ROBO1: variants seen among roughly 807,000 people sequenced by gnomAD.
The protein encoded by ROBO1 is roundabout homolog 1.
Under a neutral mutation model 195.9 loss-of-function variants are expected in ROBO1, and 149 were observed. That is an observed-to-expected ratio of 0.76 (90% confidence interval 0.67 to 0.87). The LOEUF is 0.87. Ranked by LOEUF, ROBO1 falls within the 40% of genes least tolerant of loss-of-function variation. The pLI, the probability that ROBO1 is intolerant of heterozygous loss-of-function variation, is 0.00. For synonymous variants in ROBO1, 816 were observed against 733.2 expected (o/e 1.11, Z -1.82); for missense variants, 1,933 against 2,068.3 (o/e 0.93, Z 1.27).
intron 2 of ROBO1, among the ~76,000 whole-genome samples, chr3:79,404,637 A>G (rs2037480054): frequency 6.6e-6 from 1 of 152,164 alleles, no homozygotes; most frequent in Non-Finnish European, 1.5e-5. Context: ...TTCTGCCATC[A>G]GTTAAACCTG....
chr3:79,684,730 C>T (rs1486511830), intron 1 of ROBO1, among the ~76,000 whole-genome samples: 1 of 152,040 alleles, frequency 6.6e-6, no homozygotes, highest in African/African-American at 2.4e-5. Context: ...GACTGGAGTG[C>T]AGTGACGTGA....
intron 3 of ROBO1, among the ~76,000 whole-genome samples, chr3:79,105,947 G>A (rs1344810185): frequency 6.6e-6 from 1 of 151,636 alleles, no homozygotes; most frequent in Non-Finnish European, 1.5e-5. Flanking sequence ...TCTTGGCTTG[G>A]ATTCTAATTT....
intron 4 of ROBO1, among the ~76,000 whole-genome samples, chr3:78,777,936 G>A (rs333478): frequency 0.054 from 8,258 of 152,184 alleles, 299 homozygotes; most frequent in Middle Eastern, 0.11. Context: ...AATGCTTCCA[G>A]CTTTTGTCCA....
Position 79,287,443 on chromosome 3 carries a change from T to C in ROBO1, c.89-161904A>G, listed in dbSNP as rs572641492. 2.1e-3 allele frequency among the ~76,000 whole-genome samples: 319 copies of C among 152,298 alleles called. 2 individuals carry two copies. The highest frequency in any genetic ancestry group is 7.2e-3 in the African/African-American group (299 of 41,578). On this transcript the variant is annotated intron_variant, in intron 2 of 30. Coordinates refer to ENST00000464233, the MANE Select transcript of ROBO1 (RefSeq NM_002941.4). ...CTTTACTTTCTATCACTGTATATTCTCATGTTGATGGAGATATTTAAAAAT... is the reference window on the plus strand; with the variant it reads ...CTTTACTTTCTATCACTGTATATTCCCATGTTGATGGAGATATTTAAAAAT...
chr3:79,185,674 T>C (rs1366839074), intron 2 of ROBO1, among the ~76,000 whole-genome samples: 2 of 152,148 alleles, frequency 1.3e-5, no homozygotes, highest in African/African-American at 4.8e-5. Context: ...TGTAACTTGA[T>C]TGTAAAACTT....
chr3:79,093,137 T>C (rs184965272), intron 3 of ROBO1, among the ~76,000 whole-genome samples: 1 of 152,130 alleles, frequency 6.6e-6, no homozygotes, highest in African/African-American at 2.4e-5. Context: ...TTTGCCTTTT[T>C]GGTCAACATG....
chr3:78,986,347 T>C (rs2077105690), intron 3 of ROBO1, among the ~76,000 whole-genome samples: 2 of 152,140 alleles, frequency 1.3e-5, no homozygotes, highest in Non-Finnish European at 2.9e-5. Context: ...AGGTTATAAT[T>C]CCATGGCAGC....
chr3:79,212,847 T>G (rs1013741423), intron 2 of ROBO1, among the ~76,000 whole-genome samples: 6 of 150,342 alleles, frequency 4.0e-5, no homozygotes, highest in African/African-American at 1.5e-4. Context: ...ATAAATAAAA[T>G]AAAATAAAAT....
At chr3:79,358,445 A>G (rs1047890046) in intron 2 of ROBO1, among the ~76,000 whole-genome samples, 1 of 152,040 alleles carries the variant, frequency 6.6e-6, no homozygotes, top group African/African-American at 2.4e-5. Context: ...CTGAGAAGCT[A>G]TAAATGGTTT....
At chr3:78,827,320 G>A (rs1365873439) in intron 4 of ROBO1, among the ~76,000 whole-genome samples, 3 of 151,862 alleles carry the variant, frequency 2.0e-5, no homozygotes, top group Non-Finnish European at 4.4e-5. Flanking sequence ...AAAACATAAG[G>A]GATAGTCTAC....
chr3:79,379,611 T>A (rs976199034), intron 2 of ROBO1, among the ~76,000 whole-genome samples: 1 of 152,238 alleles, frequency 6.6e-6, no homozygotes, highest in Admixed American at 6.5e-5. Context: ...GCTACACTTT[T>A]GCACTTACAT....
At chr3:79,218,006 G>T (rs1425560600) in intron 2 of ROBO1, among the ~76,000 whole-genome samples, 1 of 151,716 alleles carries the variant, frequency 6.6e-6, no homozygotes, top group South Asian at 2.1e-4. Context: ...AAAAATGGAA[G>T]ATGGGAAATA....
chr3:79,721,014 G>C (rs1363895612), intron 1 of ROBO1, among the ~76,000 whole-genome samples: 1 of 152,038 alleles, frequency 6.6e-6, no homozygotes, highest in African/African-American at 2.4e-5. Flanking sequence ...CGATGGTCTC[G>C]ATCTCCTGAC....
intron 2 of ROBO1, among the ~76,000 whole-genome samples, chr3:79,497,976 T>C (rs1020245384): frequency 6.6e-6 from 1 of 150,862 alleles, no homozygotes; most frequent in African/African-American, 2.4e-5. Flanking sequence ...AGCTCAGGAA[T>C]ATAATTTTAT....
intron 2 of ROBO1, among the ~76,000 whole-genome samples, chr3:79,481,722 A>G (rs1938870646): frequency 6.6e-6 from 1 of 152,130 alleles, no homozygotes; most frequent in Non-Finnish European, 1.5e-5. Context: ...TGGCAATCTT[A>G]TTCATTTTGC....
chr3:79,748,164 A>G (rs1351574287), intron 1 of ROBO1, among the ~76,000 whole-genome samples: 3 of 152,180 alleles, frequency 2.0e-5, no homozygotes, highest in African/African-American at 4.8e-5. Flanking sequence ...AAATAGTAGA[A>G]TACAGTTAAA....
intron 4 of ROBO1, among the ~76,000 whole-genome samples, chr3:78,907,273 A>G (rs2037979328): frequency 6.6e-6 from 1 of 152,074 alleles, no homozygotes; most frequent in Non-Finnish European, 1.5e-5. Flanking sequence ...AAAAACAATG[A>G]GAATCACAAA....
In ROBO1 at chr3:79,479,225, G is replaced by A. The variant is rs147117391; in HGVS notation, c.88+110599C>T. Reference sequence around the variant, plus strand: ...TTTTGGCACCTGGGGCGGATTTCGTGGAAGATGATTTTTTCCACGGATGGG... The same window carrying A: ...TTTTGGCACCTGGGGCGGATTTCGTAGAAGATGATTTTTTCCACGGATGGG... On this transcript the variant is annotated intron_variant, in intron 2 of 30. Coordinates refer to ENST00000464233, the MANE Select transcript of ROBO1 (RefSeq NM_002941.4). 2.5e-3 allele frequency among the ~76,000 whole-genome samples: 379 copies of A among 152,274 alleles called. 1 individual carries two copies. Among genetic ancestry groups the A allele is most frequent in the African/African-American group, 8.6e-3 (357 of 41,550 alleles).
chr3:79,089,002 A>G (rs540788209), intron 3 of ROBO1, among the ~76,000 whole-genome samples: 4 of 152,224 alleles, frequency 2.6e-5, no homozygotes, highest in Non-Finnish European at 5.9e-5. Context: ...GTTTTCCAAA[A>G]TAAAATTCTA....
Sources: allele counts gnomAD v4.1 joint callset (sites outside exome capture counted in the v4.1 genomes callset), GRCh38; gene constraint gnomAD v4.1.1; transcripts MANE v1.5; gene names NCBI Gene and HGNC (gene_info 2026-07-23, HGNC 2026-07-21).